RNF25: variants seen among roughly 807,000 people sequenced by gnomAD.
The protein encoded by RNF25 is ring finger protein 25, also known as E3 ubiquitin-protein ligase RNF25.
RNF25 carries 32 observed loss-of-function variants against 65.0 expected under a neutral mutation model. The ratio of observed to expected loss-of-function variants is 0.49; its 90% confidence interval spans 0.37 to 0.66. RNF25 has a LOEUF of 0.66. Among genes scored for constraint, RNF25 ranks in the 30% least tolerant of loss-of-function variants. The probability of loss-of-function intolerance (pLI) is 0.00; values close to 1 mark genes in which losing one functional copy is unlikely to be tolerated. For synonymous variants in RNF25, 207 were observed against 221.2 expected, an observed-to-expected ratio of 0.94 and a Z score of 0.57; for missense variants, 493 against 584.8, an observed-to-expected ratio of 0.84 and a Z score of 1.62.
Position 218,665,955 on chromosome 2 carries a change from CTGTCCT to C in RNF25, c.528_533del (p.Gly177_Gln178del). The C allele has an allele frequency of 6.2e-7, 1 of 1,614,148 alleles. No individual in the cohort carries two copies. The highest frequency in any genetic ancestry group is 8.5e-7 in the Non-Finnish European group (1 of 1,180,012). On this transcript the variant is annotated inframe_deletion, in exon 7 of 10. Coordinates refer to ENST00000295704, the MANE Select transcript of RNF25 (RefSeq NM_022453.3). ...CATGCTGCCGTTCCTGTTCCTGCTC[CTGTCCT>C]TGTGCCTTCAGCTCTTGCTCCATGT...
intron 5 of RNF25, among the ~76,000 whole-genome samples, chr2:218,667,196 T>C (rs919274161): frequency 4.0e-5 from 6 of 150,738 alleles, no homozygotes; most frequent in East Asian, 1.9e-4. Context: ...AATTAATAAA[T>C]AAACAAACTA....
rs748968449 is a variant in RNF25, at chr2:218,664,394, T to C, written c.943A>G (p.Ile315Val). 1.9e-6 allele frequency: 3 copies of C among 1,614,150 alleles called. No individual in the cohort carries two copies. The highest frequency in any genetic ancestry group is 2.2e-5 in the South Asian group (2 of 91,084). Residue 315 changes from isoleucine to valine, a missense_variant, in exon 10 of 10, where the codon ATA (isoleucine) becomes GTA (valine). By Grantham distance (29) the Ile-to-Val change is conservative. Around this residue, in one of 3 missense-constraint regions of RNF25, gnomAD observed 351 missense variants for 400.2 expected, o/e 0.88. Coordinates refer to ENST00000295704, the MANE Select transcript of RNF25 (RefSeq NM_022453.3). The surrounding 1 kb of genome is among the most constrained non-coding windows in gnomAD (Gnocchi z 5.1). ...CTGGTCCCTGGAATCTTCTCACATA[T>C]GTGCTGGGTCGCCACAGGCAGAGGA... ...PPPLPVATQH[I>V]CEKIPGTRSN...
chr2:218,665,292 C>A (rs1322181815), intron 7 of RNF25, 45 bp from the exon 8 acceptor site: 3 of 1,560,276 alleles, frequency 1.9e-6, no homozygotes, highest in African/African-American at 1.4e-5. Flanking sequence ...GCCCAGGATG[C>A]CCCCTGGTGC....
chr2:218,664,197 C>T lies in RNF25; in HGVS notation c.1140G>A (p.Lys380=). Residue 380 remains lysine (K), a synonymous_variant, in exon 10 of 10, where the codon AAG becomes AAA. Coordinates refer to ENST00000295704, the MANE Select transcript of RNF25 (RefSeq NM_022453.3). The surrounding 1 kb of genome is among the most constrained non-coding windows in gnomAD (Gnocchi z 5.1). ...QELPPPEGPL[K]EPMDLKPEPH... ...GTTCTGGCTTTAGGTCCATGGGCTC[C>T]TTGAGGGGCCCCTCAGGAGGTGGCA... 6.3e-7 allele frequency: 1 copy of T among 1,591,286 alleles called. No individual in the cohort carries two copies. Among genetic ancestry groups the T allele is most frequent in the South Asian group, 1.1e-5 (1 of 88,152 alleles).
In RNF25 at chr2:218,664,212, A is replaced by C; in HGVS notation, c.1125T>G (p.Pro375=). ...CCATGGGCTCCTTGAGGGGCCCCTC[A>C]GGAGGTGGCAGTTCCTGGGTGTCAC... ...GTRDTQELPP[P]EGPLKEPMDL... is the part of the protein sequence containing the mutation. Residue 375 remains proline, a synonymous_variant, in exon 10 of 10, where the codon CCT becomes CCG. Coordinates refer to ENST00000295704, the MANE Select transcript of RNF25 (RefSeq NM_022453.3). This position sits in a 1 kb window ranked among gnomAD's most constrained non-coding sequence, Gnocchi z 5.1. The C allele has an allele frequency of 6.3e-7, 1 of 1,596,868 alleles. No homozygotes were observed.
chr2:218,666,531 A>C (rs1939828987), intron 5 of RNF25, among the ~76,000 whole-genome samples: 1 of 152,192 alleles, frequency 6.6e-6, no homozygotes, highest in Non-Finnish European at 1.5e-5. Flanking sequence ...TGAGAAAAAA[A>C]ATGTTCAATT....
At position 218,665,951 on chromosome 2, in the gene RNF25, G is replaced by A; in HGVS notation, c.538C>T (p.Gln180Ter). The change falls in exon 7 of 10, where the codon CAG becomes TAG. Residue 180 changes from glutamine (Q) to a stop codon, truncating the protein, a stop_gained. Coordinates refer to ENST00000295704, the MANE Select transcript of RNF25 (RefSeq NM_022453.3). LOFTEE classifies it high-confidence loss of function. ...GTAGCATGCTGCCGTTCCTGTTCCT[G>A]CTCCTGTCCTTGTGCCTTCAGCTCT... is the stretch of plus-strand genomic sequence containing the variant. ...EQELKAQGQE[Q>*]EQERQHATTK... is the part of the protein sequence containing the mutation. 6.2e-7 allele frequency: 1 copy of A among 1,614,086 alleles called. No individual in the cohort carries two copies. The highest frequency in any genetic ancestry group is 8.5e-7 in the Non-Finnish European group (1 of 1,180,006).
intron 7 of RNF25, 76 bp from the exon 8 acceptor site, chr2:218,665,323 T>C (rs1939798521): frequency 1.5e-6 from 2 of 1,320,556 alleles, no homozygotes; most frequent in Admixed American, 2.0e-5. Flanking sequence ...GCCAACCTAA[T>C]CTGCAGAGGG....
chr2:218,665,009 G>T, intron 8 of RNF25, 136 bp from the exon 9 acceptor site: 1 of 1,450,046 alleles, frequency 6.9e-7, no homozygotes, highest in Non-Finnish European at 9.5e-7. Context: ...TTAGGCTCCC[G>T]CCAGTGGGGG....
At position 218,665,193 on chromosome 2, in the gene RNF25, C is replaced by T. The variant is rs1332394682; in HGVS notation, c.628G>A (p.Ala210Thr). ...GGTTCAGGGGCTGCTTTCAGTGAGGCAAGATCATACACGAGGGGCTCTCTG... is the reference window on the plus strand; with the variant it reads ...GGTTCAGGGGCTGCTTTCAGTGAGGTAAGATCATACACGAGGGGCTCTCTG... The part of the protein sequence containing the change: ...VCREPLVYDL[A>T]SLKAAPEPQQ... The change falls in exon 8 of 10, where the codon GCC becomes ACC. Residue 210 changes from alanine (A) to threonine (T), a missense_variant. Ala to Thr is a moderately conservative substitution (Grantham distance 58). Transcript: ENST00000295704. 1 of 1,614,092 alleles carries T rather than the reference C, an allele frequency of 6.2e-7. No homozygotes were observed. The highest frequency in any genetic ancestry group is 1.7e-5 in the Admixed American group (1 of 60,000).
chr2:218,664,871 C>T lies in RNF25; in HGVS notation c.669G>A (p.Glu223=), dbSNP rs756711856. The part of the protein sequence containing the change: ...KAAPEPQQPM[E]LYQPSAESLR... ...AGCTCTCTGCACTGGGCTGGTACAG[C>T]TCCTGGAAGGAAGAATGGCAGAGAG... is the stretch of plus-strand genomic sequence containing the variant. Residue 223 remains glutamate, a splice_region_variant and synonymous_variant, in exon 9 of 10, where the codon GAG becomes GAA. Coordinates refer to ENST00000295704, the MANE Select transcript of RNF25 (RefSeq NM_022453.3). The surrounding 1 kb of genome is among the most constrained non-coding windows in gnomAD (Gnocchi z 5.1). 1 of 1,614,034 alleles carries T rather than the reference C, an allele frequency of 6.2e-7. No homozygotes were observed. Among genetic ancestry groups the T allele is most frequent in the East Asian group, 2.2e-5 (1 of 44,888 alleles).
rs1204127211 is a variant in RNF25 at position 218,664,437 on chromosome 2, G to C, written c.900C>G (p.Val300=). 1 of 1,614,232 alleles carries C rather than the reference G, an allele frequency of 6.2e-7. No individual in the cohort carries two copies. Among genetic ancestry groups the C allele is most frequent in the Admixed American group, 1.7e-5 (1 of 60,032 alleles). ...GCAGAGGAGGTGGCAAAGTGGATTG[G>C]ACGGCTGGTGAGGTGGATAGTTCTG... is the stretch of plus-strand genomic sequence containing the variant. ...LAAELSTSPA[V]QSTLPPPLPV... is the part of the protein sequence containing the mutation. The change falls in exon 10 of 10, where the codon GTC becomes GTG. Residue 300 remains valine (V), a synonymous_variant. Coordinates refer to ENST00000295704, the MANE Select transcript of RNF25 (RefSeq NM_022453.3). This position sits in a 1 kb window ranked among gnomAD's most constrained non-coding sequence, Gnocchi z 5.1.
chr2:218,669,000 C>T (rs1939894547), intron 1 of RNF25, among the ~76,000 whole-genome samples: 1 of 152,210 alleles, frequency 6.6e-6, no homozygotes, highest in Non-Finnish European at 1.5e-5. Flanking sequence ...GTTTCATTCC[C>T]CTTAGTGGCT....
chr2:218,671,943 C>A lies in RNF25; in HGVS notation c.28G>T (p.Gly10Trp). Residue 10 changes from glycine to tryptophan, a missense_variant, in exon 1 of 10, where the codon GGG becomes TGG. Coordinates refer to ENST00000295704, the MANE Select transcript of RNF25 (RefSeq NM_022453.3). MAASASAAA[G>W]EEDWVLPSEV... is the part of the protein sequence containing the mutation. ...CCCCAAAGTTACCAGTCCTCCTCCC[C>A]TGCAGCTGCAGACGCAGACGCCGCC... 3 of 1,614,258 alleles carry A rather than the reference C, an allele frequency of 1.9e-6. No individual in the cohort carries two copies. The highest frequency in any genetic ancestry group is 2.5e-6 in the Non-Finnish European group (3 of 1,180,056).
Position 218,668,222 on chromosome 2 carries a change from C to T in RNF25, c.219+17G>A. ...TCTCCCCTTCCTCCCTTTGCTGCCA[C>T]ACAGTAGGGGCTTCACCTCTGCTGG... On this transcript the variant is annotated intron_variant, in intron 3 of 9. Coordinates refer to ENST00000295704, the MANE Select transcript of RNF25 (RefSeq NM_022453.3). 1.2e-6 allele frequency: 2 copies of T among 1,613,274 alleles called. No individual in the cohort carries two copies. Among genetic ancestry groups the T allele is most frequent in the Non-Finnish European group, 1.7e-6 (2 of 1,179,200 alleles).
At chr2:218,670,074 C>T (rs995889532) in intron 1 of RNF25, among the ~76,000 whole-genome samples, 3 of 151,732 alleles carry the variant, frequency 2.0e-5, no homozygotes, top group Admixed American at 6.6e-5. Flanking sequence ...TAACTGGACA[C>T]GGTGGTCCCA....
In RNF25 at chr2:218,664,380, A is replaced by G. The variant is rs745596090; in HGVS notation, c.957T>C (p.Ile319=). 3 of 1,614,128 alleles carry G rather than the reference A, an allele frequency of 1.9e-6. No homozygotes were observed. The highest frequency in any genetic ancestry group is 8.5e-7 in the Non-Finnish European group (1 of 1,180,028). Residue 319 remains isoleucine, a synonymous_variant, in exon 10 of 10, where the codon ATT becomes ATC. Transcript: ENST00000295704. This position sits in a 1 kb window ranked among gnomAD's most constrained non-coding sequence, Gnocchi z 5.1. The part of the protein sequence containing the change: ...PVATQHICEK[I]PGTRSNQQRL... ...TTTGCTGATTTGACCTGGTCCCTGG[A>G]ATCTTCTCACATATGTGCTGGGTCG...
At position 218,665,193 on chromosome 2, in the gene RNF25, C is replaced by G. The variant is rs1332394682; in HGVS notation, c.628G>C (p.Ala210Pro). Residue 210 changes from alanine (A) to proline (P), a missense_variant, in exon 8 of 10, where the codon GCC becomes CCC. Ala to Pro is a conservative substitution (Grantham distance 27). This residue lies in a region of RNF25 where 351 missense variants were observed against 400.2 expected (regional missense o/e 0.88). Transcript: ENST00000295704. ...GGTTCAGGGGCTGCTTTCAGTGAGG[C>G]AAGATCATACACGAGGGGCTCTCTG... ...VCREPLVYDLASLKAAPEPQQ... is the reference protein window; with the variant it reads ...VCREPLVYDLPSLKAAPEPQQ... The G allele has an allele frequency of 6.2e-7, 1 of 1,614,210 alleles. No homozygotes were observed. The highest frequency in any genetic ancestry group is 8.5e-7 in the Non-Finnish European group (1 of 1,180,040).
chr2:218,664,224 T>G lies in RNF25; in HGVS notation c.1113A>C (p.Glu371Asp). The G allele has an allele frequency of 6.3e-7, 1 of 1,598,696 alleles. No homozygotes were observed. Among genetic ancestry groups the G allele is most frequent in the Non-Finnish European group, 8.5e-7 (1 of 1,172,718 alleles). The change falls in exon 10 of 10, where the codon GAA becomes GAC. Residue 371 changes from glutamate to aspartate, a missense_variant. Glu to Asp is a conservative substitution (Grantham distance 45, BLOSUM62 2). Around this residue, in one of 3 missense-constraint regions of RNF25, gnomAD observed 351 missense variants for 400.2 expected, o/e 0.88. Transcript: ENST00000295704. This position sits in a 1 kb window ranked among gnomAD's most constrained non-coding sequence, Gnocchi z 5.1. ...TGAGGGGCCCCTCAGGAGGTGGCAGTTCCTGGGTGTCACGGGTACCTTTAG... is the reference window on the plus strand; with the variant it reads ...TGAGGGGCCCCTCAGGAGGTGGCAGGTCCTGGGTGTCACGGGTACCTTTAG... ...HAPKGTRDTQELPPPEGPLKE... is the reference protein window; with the variant it reads ...HAPKGTRDTQDLPPPEGPLKE...
Sources: gnomAD v4.1 joint callset for allele counts (sites outside exome capture counted in the v4.1 genomes callset) on GRCh38, gnomAD v4.1.1 for gene constraint, gnomAD v4.1.1 regional missense constraint, Gnocchi (gnomAD v3.1) non-coding constraint, MANE v1.5 for transcripts, NCBI Gene and HGNC (gene_info 2026-07-23, HGNC 2026-07-21) for gene names.